Variants in SPTBN4 observed in about 807,000 individuals in gnomAD.
The protein encoded by SPTBN4 is spectrin beta chain, non-erythrocytic 4.
A neutral mutation model predicts 277.8 loss-of-function variants in SPTBN4; 96 were observed. The ratio of observed to expected loss-of-function variants is 0.35; its 90% CI spans 0.29 to 0.41. SPTBN4 has a LOEUF of 0.41. SPTBN4 is among the 10% of genes least tolerant of loss of function. The pLI is 1.00. For missense variants in SPTBN4, 3,006 were observed against 3,595.7 expected (o/e 0.84, Z 4.19); for synonymous variants, 1,481 against 1,580.3 (o/e 0.94, Z 1.49).
At chr19:40,570,334 G>A (rs970919036) in intron 32 of SPTBN4, 102 bp from the exon 33 acceptor site, 3 of 658,666 alleles carry the variant, frequency 4.6e-6, no homozygotes, top group African/African-American at 1.9e-5. Context: ...GAGACAAATG[G>A]CCCTGTAGAC....
At chr19:40,570,366 A>G in intron 32 of SPTBN4, 70 bp from the exon 33 acceptor site, 1 of 1,004,570 alleles carries the variant, frequency 1.0e-6, no homozygotes, top group Non-Finnish European at 1.4e-6. Flanking sequence ...CAGACCCATG[A>G]CTCCCCCAAA....
In SPTBN4 at chr19:40,513,240, G is replaced by T. The variant is rs779810878; in HGVS notation, c.2451G>T (p.Ala817=). Residue 817 remains alanine, a synonymous_variant, in exon 14 of 36, where the codon GCG becomes GCT. Coordinates refer to ENST00000598249, the MANE Select transcript of SPTBN4 (RefSeq NM_020971.3). ...GCCGCCTGGCGCGCCAGCACCGCGCGCTCACCGGGGAGGTGGAGGCACATC... is the reference window on the plus strand; with the variant it reads ...GCCGCCTGGCGCGCCAGCACCGCGCTCTCACCGGGGAGGTGGAGGCACATC... ...SSRRLARQHR[A]LTGEVEAHRG... The T allele has an allele frequency of 3.3e-6, 5 of 1,516,136 alleles. No individual in the cohort carries two copies. The highest frequency in any genetic ancestry group is 2.4e-5 in the South Asian group (2 of 81,940). The allele number at this position is 1,516,136 out of a possible 1,614,324, so 93.9% of individuals were successfully genotyped here. A position where few individuals can be genotyped will look rare whatever the true frequency, so the allele number is the denominator to read the frequency against.
chr19:40,516,638 A>G (rs1328299216), intron 15 of SPTBN4, among the ~76,000 whole-genome samples: 3 of 152,114 alleles, frequency 2.0e-5, no homozygotes, highest in Non-Finnish European at 2.9e-5. Flanking sequence ...AGCCTGACCA[A>G]TATGGTGAAA....
intron 1 of SPTBN4, among the ~76,000 whole-genome samples, chr19:40,472,067 C>T (rs1050414491): frequency 1.1e-4 from 16 of 151,910 alleles, no homozygotes; most frequent in African/African-American, 3.1e-4. Context: ...TACTCCACCT[C>T]GCCTGGAGAA....
chr19:40,539,563 G>A (rs925791773), intron 20 of SPTBN4, among the ~76,000 whole-genome samples: 5 of 151,832 alleles, frequency 3.3e-5, no homozygotes, highest in African/African-American at 9.7e-5. Context: ...TGCAACCTCC[G>A]CCTCCTGGCT....
In SPTBN4 at chr19:40,532,683, A is replaced by G. The variant is rs1429645266; in HGVS notation, c.4007A>G (p.Asn1336Ser). ...LMARDGTRED[N>S]HKLHKRWLRH... is the part of the protein sequence containing the mutation. ...GCGCGGGATGGCACGCGGGAGGACA[A>G]CCACAAGCTGCATAAGAGATGGCTC... is the stretch of plus-strand genomic sequence containing the variant. Residue 1336 changes from asparagine to serine, a missense_variant, in exon 19 of 36, where the codon AAC (asparagine) becomes AGC (serine). By Grantham distance (46) the Asn-to-Ser change is conservative. This residue lies in a region of SPTBN4 where 1,759 missense variants were observed against 2,061.5 expected (regional missense o/e 0.85). Transcript: ENST00000598249. The G allele has an allele frequency of 6.2e-7, 1 of 1,613,492 alleles. No individual in the cohort carries two copies. Among genetic ancestry groups the G allele is most frequent in the Non-Finnish European group, 8.5e-7 (1 of 1,179,698 alleles).
chr19:40,523,489 A>C lies in SPTBN4; in HGVS notation c.3707A>C (p.Glu1236Ala). Residue 1236 changes from glutamate (E) to alanine (A), a missense_variant, in exon 17 of 36, where the codon GAG becomes GCG. Physicochemically the swap from Glu to Ala is moderately radical, Grantham distance 107 (BLOSUM62 -1). Coordinates refer to ENST00000598249, the MANE Select transcript of SPTBN4 (RefSeq NM_020971.3). ...CCGGGCACAGTGGAATCGGTGGAGG[A>C]GGCCTTGAAACAGCACCGTGACTTT... Reference protein sequence around the residue: ...ELPGTVESVEEALKQHRDFLT... With the variant: ...ELPGTVESVEAALKQHRDFLT... 6.2e-7 allele frequency: 1 copy of C among 1,613,550 alleles called. No homozygotes were observed. The highest frequency in any genetic ancestry group is 2.2e-5 in the East Asian group (1 of 44,880).
At chr19:40,540,142 G>T (rs918227862) in intron 20 of SPTBN4, among the ~76,000 whole-genome samples, 4 of 151,614 alleles carry the variant, frequency 2.6e-5, no homozygotes. Context: ...GTCCAGGCTG[G>T]TCCCAAACTC....
At chr19:40,544,915 A>G (rs1249656563) in intron 20 of SPTBN4, among the ~76,000 whole-genome samples, 3 of 148,720 alleles carry the variant, frequency 2.0e-5, no homozygotes, top group African/African-American at 7.5e-5. Context: ...TCCCACCTCA[A>G]CCTCCTAAGT....
chr19:40,500,598 T>C (rs1186676604), intron 7 of SPTBN4, among the ~76,000 whole-genome samples: 2 of 152,166 alleles, frequency 1.3e-5, no homozygotes, highest in Non-Finnish European at 2.9e-5. Flanking sequence ...GGCAGGAGTA[T>C]TGTTTCAGCC....
At chr19:40,527,832 G>T (rs962678932) in intron 17 of SPTBN4, among the ~76,000 whole-genome samples, 2 of 152,170 alleles carry the variant, frequency 1.3e-5, no homozygotes, top group East Asian at 3.9e-4. Context: ...AAGGCGGGTG[G>T]ATCACTTGAG....
At chr19:40,525,674 G>T (rs1453836505) in intron 17 of SPTBN4, among the ~76,000 whole-genome samples, 6 of 152,196 alleles carry the variant, frequency 3.9e-5, no homozygotes, top group Non-Finnish European at 8.8e-5. Flanking sequence ...CCCGTGCTCT[G>T]TACGGAGTGG....
intron 4 of SPTBN4, among the ~76,000 whole-genome samples, chr19:40,491,657 T>C (rs2145830554): frequency 7.4e-6 from 1 of 134,444 alleles, no homozygotes; most frequent in South Asian, 2.3e-4. Context: ...CAGGAGAATG[T>C]GAGCCGAGAC....
chr19:40,478,001 G>A (rs1171566794), intron 2 of SPTBN4, among the ~76,000 whole-genome samples: 1 of 152,044 alleles, frequency 6.6e-6, no homozygotes. Context: ...ACCTTGCCTG[G>A]CTAATTTTTG....
intron 13 of SPTBN4, among the ~76,000 whole-genome samples, chr19:40,509,787 T>C (rs956095381): frequency 5.3e-5 from 8 of 152,150 alleles, no homozygotes; most frequent in Non-Finnish European, 8.8e-5. Flanking sequence ...GGCTTGCAGG[T>C]TGATGGGGAA....
chr19:40,557,003 C>CCA lies in SPTBN4; in HGVS notation c.5290-19_5290-18insAC, dbSNP rs764135730. 87 of 1,526,304 alleles carry CCA rather than the reference C, an allele frequency of 5.7e-5. No homozygotes were observed. The East Asian group carries it at 1.8e-3, about 31-fold the overall frequency. 94.5% of individuals were successfully genotyped at this position (1,526,304 alleles called of 1,614,324 possible). ...CTTTGCTCACTTTGCTGTACCCCCCCCCCCACTTCCTGATGGCAGGTGCTG... is the reference window on the plus strand; with the variant it reads ...CTTTGCTCACTTTGCTGTACCCCCCCCACCCCACTTCCTGATGGCAGGTGCTG... On this transcript the variant is annotated intron_variant, in intron 25 of 35. Coordinates refer to ENST00000598249, the MANE Select transcript of SPTBN4 (RefSeq NM_020971.3).
intron 13 of SPTBN4, among the ~76,000 whole-genome samples, chr19:40,508,673 G>A (rs186230137): frequency 1.1e-4 from 16 of 152,316 alleles, no homozygotes; most frequent in African/African-American, 1.9e-4. Flanking sequence ...GGGCAACAGA[G>A]CGAGACCTCA....
rs563675836 is a variant in SPTBN4, at chr19:40,514,609, C to A, written c.2766-702C>A. Among the ~76,000 whole-genome samples the A allele has an allele frequency of 2.0e-5, 3 of 152,226 alleles. No homozygotes were observed. In the South Asian group the frequency reaches 6.2e-4, roughly 32 times the overall value. Reference sequence around the variant, plus strand: ...ATTTGAGTCAGGTGGGTGTGAATAGCCCCAAGAAGGTATACAGTAGGCTTT... The same window carrying A: ...ATTTGAGTCAGGTGGGTGTGAATAGACCCAAGAAGGTATACAGTAGGCTTT... On this transcript the variant is annotated intron_variant, in intron 14 of 35. Coordinates refer to ENST00000598249, the MANE Select transcript of SPTBN4 (RefSeq NM_020971.3).
rs747766613 is a variant in SPTBN4 at position 40,472,630 on chromosome 19, G to T, written c.9G>T (p.Gln3His). Residue 3 changes from glutamine to histidine, a missense_variant, in exon 2 of 36, where the codon CAG becomes CAT. Transcript: ENST00000598249. ...AGGCCTCACCTTCCCCGATGGCGCA[G>T]GTACCAGGGGAAGTGGACAACATGG... MA[Q>H]VPGEVDNMEG... 13 of 1,612,664 alleles carry T rather than the reference G, an allele frequency of 8.1e-6. No homozygotes were observed. In the East Asian group the frequency reaches 2.9e-4, roughly 36 times the overall value.
Sources: allele counts gnomAD v4.1 joint callset (sites outside exome capture counted in the v4.1 genomes callset), GRCh38; gene constraint gnomAD v4.1.1; regional missense constraint gnomAD v4.1.1; transcripts MANE v1.5; gene names NCBI Gene and HGNC (gene_info 2026-07-23, HGNC 2026-07-21).